NIPBL: variants seen among roughly 807,000 people sequenced by gnomAD.
NIPBL encodes the protein nipped-B-like protein.
In NIPBL, 19 loss-of-function variants were observed where a neutral mutation model predicts 321.8. The observed-to-expected ratio is 0.06, with a 90% CI of 0.04 to 0.09. NIPBL has a LOEUF of 0.09. Among genes scored for constraint, NIPBL ranks in the 10% least tolerant of loss-of-function variants. The probability of loss-of-function intolerance (pLI) is 1.00; values close to 1 mark genes in which losing one functional copy is unlikely to be tolerated. For synonymous variants in NIPBL, 1,106 were observed against 1,114.1 expected (o/e 0.99, Z 0.14); for missense variants, 2,210 against 3,327.0 (o/e 0.66, Z 8.26).
At chr5:36,974,181 T>C (rs1186878124) in intron 8 of NIPBL, among the ~76,000 whole-genome samples, 1 of 152,182 alleles carries the variant, frequency 6.6e-6, no homozygotes, top group East Asian at 1.9e-4. Flanking sequence ...CTTTTTTTCT[T>C]CTGACTCTTG....
Position 36,985,575 on chromosome 5 carries a change from G to A in NIPBL, c.2395G>A (p.Glu799Lys), listed in dbSNP as rs777987450. ...DSPRLKSERA[E>K]ALKQRPDGRS... Reference sequence around the variant, plus strand: ...ACCTCGGTTAAAATCAGAACGAGCTGAAGCCTTAAAGCAGAGACCTGATGG... The same window carrying A: ...ACCTCGGTTAAAATCAGAACGAGCTAAAGCCTTAAAGCAGAGACCTGATGG... Residue 799 changes from glutamate to lysine, a missense_variant, in exon 10 of 47, where the codon GAA (glutamate) becomes AAA (lysine). Around this residue, in one of 14 missense-constraint regions of NIPBL, gnomAD observed 588 missense variants for 564.1 expected, o/e 1.04. Transcript: ENST00000282516. 6.2e-7 allele frequency: 1 copy of A among 1,613,918 alleles called. No individual in the cohort carries two copies. Among genetic ancestry groups the A allele is most frequent in the South Asian group, 1.1e-5 (1 of 91,082 alleles).
intron 1 of NIPBL, among the ~76,000 whole-genome samples, chr5:36,928,205 T>C (rs999414373): frequency 2.0e-5 from 3 of 152,174 alleles, no homozygotes; most frequent in African/African-American, 7.2e-5. Context: ...GTGAATCTTT[T>C]CAAAACAGGG....
intron 1 of NIPBL, among the ~76,000 whole-genome samples, chr5:36,894,657 C>T (rs767640355): frequency 1.3e-5 from 2 of 152,008 alleles, no homozygotes; most frequent in South Asian, 2.1e-4. Flanking sequence ...CCCCCCACTG[C>T]GGGGAGGTGG....
chr5:37,033,703 C>T (rs56414036), intron 32 of NIPBL, among the ~76,000 whole-genome samples: 17 of 59,300 alleles, frequency 2.9e-4, no homozygotes, highest in African/African-American at 1.2e-3. Context: ...CACACACACA[C>T]ACATATATAT....
At chr5:37,015,720 G>C (rs1032658723) in intron 22 of NIPBL, among the ~76,000 whole-genome samples, 4 of 152,050 alleles carry the variant, frequency 2.6e-5, no homozygotes, top group African/African-American at 9.7e-5. Context: ...GACAGGGTGA[G>C]ACTCCATCTC....
At chr5:36,910,409 C>T (rs1747957531) in intron 1 of NIPBL, among the ~76,000 whole-genome samples, 2 of 152,154 alleles carry the variant, frequency 1.3e-5, no homozygotes, top group Admixed American at 1.3e-4. Context: ...TCATCATGGG[C>T]ACCTTAGGCT....
chr5:37,061,035 A>C lies in NIPBL; in HGVS notation c.7860+17A>C, dbSNP rs770798260. 4 of 1,609,648 alleles carry C rather than the reference A, an allele frequency of 2.5e-6. No homozygotes were observed. The Admixed American group carries it at 6.7e-5, about 27-fold the overall frequency. On this transcript the variant is annotated intron_variant, in intron 45 of 46. Coordinates refer to ENST00000282516, the MANE Select transcript of NIPBL (RefSeq NM_133433.4). ...TATCTAGATGTGAGTAGTAAAACCA[A>C]AAGTTTTTACTTCTCATAAGGGCTT...
At chr5:37,005,702 C>T (rs867268763) in intron 16 of NIPBL, among the ~76,000 whole-genome samples, 1 of 152,056 alleles carries the variant, frequency 6.6e-6, no homozygotes. Context: ...GTTTATATTT[C>T]ATAACTAAAG....
intron 1 of NIPBL, among the ~76,000 whole-genome samples, chr5:36,952,700 G>A (rs1396511202): frequency 1.3e-5 from 2 of 152,156 alleles, no homozygotes. Flanking sequence ...AGTCAATTAA[G>A]TCATTTGTAT....
intron 10 of NIPBL, among the ~76,000 whole-genome samples, chr5:36,990,885 T>C (rs1056992725): frequency 1.3e-5 from 2 of 152,072 alleles, no homozygotes; most frequent in African/African-American, 2.4e-5. Flanking sequence ...TCTGTAGAAA[T>C]AGGTATATGA....
chr5:37,020,418 G>A (rs781351160), intron 25 of NIPBL, 41 bp from the exon 26 acceptor site: 1 of 1,342,918 alleles, frequency 7.4e-7, no homozygotes, highest in Non-Finnish European at 1.1e-6. Context: ...AAATCTTGTT[G>A]CTAATTTCAT....
chr5:36,889,426 T>C (rs1448608067), intron 1 of NIPBL, among the ~76,000 whole-genome samples: 1 of 152,128 alleles, frequency 6.6e-6, no homozygotes, highest in Admixed American at 6.5e-5. Context: ...TATTAAGAAC[T>C]GGGAGGAGGT....
chr5:36,900,291 A>G lies in NIPBL; in HGVS notation c.-80+23113A>G, dbSNP rs77399964. The stretch of plus-strand genomic sequence containing the variant: ...TTGTATTTGGTATTATAAGTATTCT[A>G]TTAATGATGTAAAGTATACAGGAAG... On this transcript the variant is annotated intron_variant, in intron 1 of 46. Transcript: ENST00000282516. Among the ~76,000 whole-genome samples the G allele has an allele frequency of 4.9e-3, 753 of 152,342 alleles. 7 individuals carry two copies. The highest frequency in any genetic ancestry group is 0.017 in the African/African-American group (710 of 41,582).
chr5:36,923,035 T>A (rs1252931335), intron 1 of NIPBL, among the ~76,000 whole-genome samples: 1 of 152,126 alleles, frequency 6.6e-6, no homozygotes, highest in African/African-American at 2.4e-5. Context: ...ACACCTGTAA[T>A]CCCAGAACTT....
At chr5:36,992,177 T>G (rs1226660734) in intron 10 of NIPBL, among the ~76,000 whole-genome samples, 1 of 152,180 alleles carries the variant, frequency 6.6e-6, no homozygotes, top group Non-Finnish European at 1.5e-5. Context: ...AATGACATTA[T>G]TCATCAAGCC....
At position 37,020,475 on chromosome 5, in the gene NIPBL, A is replaced by G. The variant is rs559139612; in HGVS notation, c.5027A>G (p.Tyr1676Cys). Residue 1676 changes from tyrosine (Y) to cysteine (C), a missense_variant, in exon 26 of 47, where the codon TAT becomes TGT. Transcript: ENST00000282516. ...DPSLVFSRKF[Y>C]IAQWFRDTTL... ...TCTTTCCAGTTTTCTCGTAAATTCT[A>G]TATAGCCCAGTGGTTTCGAGACACA... 3.5e-5 allele frequency: 57 copies of G among 1,612,106 alleles called. No homozygotes were observed. Among genetic ancestry groups the G allele is most frequent in the Non-Finnish European group, 4.4e-5 (52 of 1,178,342 alleles).
chr5:36,888,226 A>C lies in NIPBL; in HGVS notation c.-80+11048A>C, dbSNP rs574251798. Among the ~76,000 whole-genome samples the C allele has an allele frequency of 2.0e-5, 3 of 152,298 alleles. No individual in the cohort carries two copies. In the East Asian group the frequency reaches 5.8e-4, roughly 29 times the overall value. ...CTATGCTTGGGCTCTGGTATTTAAA[A>C]TTAAGGTGTAATCTTTAGTAACAGT... On this transcript the variant is annotated intron_variant, in intron 1 of 46. Coordinates refer to ENST00000282516, the MANE Select transcript of NIPBL (RefSeq NM_133433.4).
Position 36,876,783 on chromosome 5 carries a change from G to A in NIPBL, c.-475G>A. 1.0e-5 allele frequency: 4 copies of A among 397,740 alleles called. No homozygotes were observed. The highest frequency in any genetic ancestry group is 1.8e-5 in the Non-Finnish European group (4 of 225,360). The allele number at this position is 397,740 out of a possible 1,614,324, so 24.6% of individuals were successfully genotyped here. A position where few individuals can be genotyped will look rare whatever the true frequency, so the allele number is the denominator to read the frequency against. On this transcript the variant is annotated 5_prime_UTR_variant, in exon 1 of 47. Transcript: ENST00000282516. ...TTCCGGTCGGCATTTTGTTCTGAGA[G>A]GGAGAGACGGAACGAGAGAGAGACA... is the stretch of plus-strand genomic sequence containing the variant.
At chr5:36,887,756 G>T (rs1746024922) in intron 1 of NIPBL, among the ~76,000 whole-genome samples, 1 of 152,048 alleles carries the variant, frequency 6.6e-6, no homozygotes, top group Admixed American at 6.5e-5. Flanking sequence ...TCTATCTCCA[G>T]AATATATTTC....
Sources: allele counts gnomAD v4.1 joint callset (sites outside exome capture counted in the v4.1 genomes callset), GRCh38; gene constraint gnomAD v4.1.1; regional missense constraint gnomAD v4.1.1; transcripts MANE v1.5; gene names NCBI Gene and HGNC (gene_info 2026-07-23, HGNC 2026-07-21).